Variants in SERGEF observed in about 807,000 individuals in gnomAD.
SERGEF encodes the protein secretion-regulating guanine nucleotide exchange factor.
SERGEF carries 51 observed loss-of-function variants against 50.0 expected under a neutral mutation model. The ratio of observed to expected loss-of-function variants is 1.02; its 90% CI spans 0.81 to 1.29. The LOEUF (loss-of-function observed/expected upper bound fraction) is 1.29. Among genes scored for constraint, SERGEF ranks in the 50% most tolerant of loss-of-function variants. SERGEF has a pLI of 0.00. For synonymous variants in SERGEF, 205 were observed against 212.4 expected, an observed-to-expected ratio of 0.97 and a Z score of 0.30; for missense variants, 521 against 557.0, an observed-to-expected ratio of 0.94 and a Z score of 0.65.
chr11:17,988,756 C>T lies in SERGEF; in HGVS notation c.686-1G>A. On this transcript the variant is annotated splice_acceptor_variant, in intron 7 of 10. Coordinates refer to ENST00000265965, the MANE Select transcript of SERGEF (RefSeq NM_012139.4). LOFTEE classifies it high-confidence loss of function. ...CCCCAAACATACACCTCTCCTGCATCTTAAACAAACAGAAGGGTAACAAAA... is the reference window on the plus strand; with the variant it reads ...CCCCAAACATACACCTCTCCTGCATTTTAAACAAACAGAAGGGTAACAAAA... The T allele has an allele frequency of 1.2e-6, 2 of 1,613,090 alleles. No homozygotes were observed. The highest frequency in any genetic ancestry group is 1.7e-6 in the Non-Finnish European group (2 of 1,179,422).
At chr11:17,815,332 C>T (rs138679745) in intron 10 of SERGEF, among the ~76,000 whole-genome samples, 2,480 of 152,008 alleles carry the variant, frequency 0.016, 33 homozygotes, top group Non-Finnish European at 0.027. Flanking sequence ...GGCATGGTGG[C>T]TCACGCCTGT....
At chr11:17,817,588 C>G (rs1372978830) in intron 10 of SERGEF, among the ~76,000 whole-genome samples, 1 of 152,134 alleles carries the variant, frequency 6.6e-6, no homozygotes, top group African/African-American at 2.4e-5. Flanking sequence ...ATTTTACAGA[C>G]AAGAATGCCA....
chr11:17,887,605 C>G (rs1169386815), intron 9 of SERGEF, among the ~76,000 whole-genome samples: 2 of 152,206 alleles, frequency 1.3e-5, no homozygotes. Flanking sequence ...GGAACTCTTA[C>G]ACTGCTGACG....
chr11:17,936,641 C>A (rs1852458024), intron 9 of SERGEF, among the ~76,000 whole-genome samples: 1 of 152,114 alleles, frequency 6.6e-6, no homozygotes, highest in Admixed American at 6.6e-5. Flanking sequence ...ACACTCTGAT[C>A]CAAACGTGGC....
chr11:17,885,611 A>C (rs1043314842), intron 9 of SERGEF, among the ~76,000 whole-genome samples: 1 of 151,898 alleles, frequency 6.6e-6, no homozygotes, highest in African/African-American at 2.4e-5. Context: ...GGCATGACCC[A>C]CCGTACATGC....
chr11:17,881,307 A>C (rs1197564289), intron 9 of SERGEF, among the ~76,000 whole-genome samples: 1 of 152,248 alleles, frequency 6.6e-6, no homozygotes, highest in Admixed American at 6.5e-5. Context: ...GGCTTCCAGA[A>C]ACAAGCCATT....
chr11:17,966,093 G>A (rs1853117490), intron 8 of SERGEF, among the ~76,000 whole-genome samples: 1 of 152,116 alleles, frequency 6.6e-6, no homozygotes, highest in East Asian at 1.9e-4. Flanking sequence ...AAGTGTTAGG[G>A]TCAATGCCTC....
At chr11:17,806,031 A>C (rs1478796998) in intron 10 of SERGEF, among the ~76,000 whole-genome samples, 1 of 152,180 alleles carries the variant, frequency 6.6e-6, no homozygotes, top group Non-Finnish European at 1.5e-5. Context: ...CTGGATATGA[A>C]ACCTGAATGA....
chr11:17,832,356 T>C (rs1850323868), intron 10 of SERGEF, among the ~76,000 whole-genome samples: 1 of 152,200 alleles, frequency 6.6e-6, no homozygotes, highest in South Asian at 2.1e-4. Context: ...TGTGAGTTGC[T>C]CATCCTTGCC....
intron 10 of SERGEF, among the ~76,000 whole-genome samples, chr11:17,877,126 G>C (rs1851250486): frequency 1.3e-5 from 2 of 152,236 alleles, no homozygotes; most frequent in South Asian, 4.1e-4. Context: ...ACTGCTTTAG[G>C]TGCTGTGAAT....
At chr11:17,871,243 G>A (rs780865466) in intron 10 of SERGEF, among the ~76,000 whole-genome samples, 11 of 152,216 alleles carry the variant, frequency 7.2e-5, no homozygotes, top group Non-Finnish European at 1.3e-4. Context: ...TAAGCCACAC[G>A]AGGTCAGGAG....
chr11:17,845,913 C>G (rs571342873), intron 10 of SERGEF, among the ~76,000 whole-genome samples: 2 of 152,322 alleles, frequency 1.3e-5, no homozygotes, highest in South Asian at 2.1e-4. Context: ...CAGGAACTAT[C>G]TGTCTTGTTC....
intron 8 of SERGEF, among the ~76,000 whole-genome samples, chr11:17,983,934 T>C (rs1379830543): frequency 6.6e-6 from 1 of 151,612 alleles, no homozygotes; most frequent in Non-Finnish European, 1.5e-5. Context: ...GGGAAATGAA[T>C]GATGCTTTCA....
At chr11:17,984,943 G>GAT (rs1282910297) in intron 8 of SERGEF, among the ~76,000 whole-genome samples, 2 of 152,180 alleles carry the variant, frequency 1.3e-5, no homozygotes, top group Non-Finnish European at 2.9e-5. Flanking sequence ...AATACAAAGA[G>GAT]ATGTACACAA....
intron 9 of SERGEF, among the ~76,000 whole-genome samples, chr11:17,883,503 G>A (rs1379553608): frequency 6.6e-6 from 1 of 152,168 alleles, no homozygotes; most frequent in African/African-American, 2.4e-5. Context: ...CAAAACCTAA[G>A]AGATTCCTTT....
intron 10 of SERGEF, among the ~76,000 whole-genome samples, chr11:17,844,154 A>C (rs1056363932): frequency 1.3e-5 from 2 of 152,218 alleles, no homozygotes; most frequent in Non-Finnish European, 2.9e-5. Context: ...GCTCAAGGAC[A>C]CACAGGAATC....
At position 17,875,607 on chromosome 11, in the gene SERGEF, T is replaced by C. The variant is rs1280956207; in HGVS notation, c.1048+2601A>G. Among the ~76,000 whole-genome samples, 4 of 152,212 alleles carry C rather than the reference T, an allele frequency of 2.6e-5. 1 individual carries two copies. The East Asian group carries it at 7.7e-4, about 29-fold the overall frequency. On this transcript the variant is annotated intron_variant, in intron 10 of 10. Transcript: ENST00000265965. Reference sequence around the variant, plus strand: ...TATCTCTACAACCTGTTTAACCCATTTAACTTCTGAGTCTGTTTCGTCTCT... The same window carrying C: ...TATCTCTACAACCTGTTTAACCCATCTAACTTCTGAGTCTGTTTCGTCTCT...
At chr11:17,930,443 G>T (rs1449709904) in intron 9 of SERGEF, among the ~76,000 whole-genome samples, 1 of 152,150 alleles carries the variant, frequency 6.6e-6, no homozygotes, top group Non-Finnish European at 1.5e-5. Context: ...CTCCTTCAGT[G>T]TGTCTGACCA....
chr11:17,839,530 G>A (rs1850462803), intron 10 of SERGEF, among the ~76,000 whole-genome samples: 1 of 152,144 alleles, frequency 6.6e-6, no homozygotes, highest in Admixed American at 6.5e-5. Flanking sequence ...TAAGATGGGT[G>A]GGCTGTTTGC....
Sources: gnomAD v4.1 joint callset for allele counts (sites outside exome capture counted in the v4.1 genomes callset) on GRCh38, gnomAD v4.1.1 for gene constraint, MANE v1.5 for transcripts, NCBI Gene and HGNC (gene_info 2026-07-23, HGNC 2026-07-21) for gene names.